NUDT3: variants seen among roughly 807,000 people sequenced by gnomAD.
NUDT3 encodes nudix hydrolase 3.
Under a neutral mutation model 23.6 loss-of-function variants are expected in NUDT3, and 9 were observed. The observed-to-expected ratio is 0.38, with a 90% CI of 0.23 to 0.66. The LOEUF (loss-of-function observed/expected upper bound fraction) is 0.66, where lower values mean the gene tolerates loss of function less well. Among genes scored for constraint, NUDT3 ranks in the 30% least tolerant of loss-of-function variants. The pLI is 0.52. For synonymous variants in NUDT3, 86 were observed against 82.6 expected, an observed-to-expected ratio of 1.04 and a Z score of -0.22; for missense variants, 172 against 218.5, an observed-to-expected ratio of 0.79 and a Z score of 1.34.
chr6:34,329,745 G>A (rs1472856195), intron 2 of NUDT3, among the ~76,000 whole-genome samples: 2 of 152,086 alleles, frequency 1.3e-5, no homozygotes, highest in African/African-American at 4.8e-5. Flanking sequence ...TTGGTGTGCT[G>A]CACCCATTAA....
intron 1 of NUDT3, among the ~76,000 whole-genome samples, chr6:34,342,289 C>CAAAAAAAAAAAAAAAAAAAAA (rs200954440): frequency 6.0e-5 from 4 of 66,494 alleles, no homozygotes; most frequent in Non-Finnish European, 1.2e-4. Flanking sequence ...TAGAAGACTT[C>CAAAAAAAAAAAAAAAAAAAAA]AAAAAAAAAA....
intron 2 of NUDT3, among the ~76,000 whole-genome samples, chr6:34,299,697 G>A (rs1763569026): frequency 6.6e-6 from 1 of 151,238 alleles, no homozygotes; most frequent in Admixed American, 6.6e-5. Context: ...CCTGAGGTCA[G>A]GAGTTCAAGA....
intron 2 of NUDT3, among the ~76,000 whole-genome samples, chr6:34,319,862 G>A (rs1013354191): frequency 6.6e-6 from 1 of 152,208 alleles, no homozygotes; most frequent in African/African-American, 2.4e-5. Context: ...AAGGAGGGCA[G>A]GAGAAAGTCA....
chr6:34,389,838 C>T (rs1228115230), intron 1 of NUDT3, among the ~76,000 whole-genome samples: 2 of 152,098 alleles, frequency 1.3e-5, no homozygotes, highest in Non-Finnish European at 2.9e-5. Flanking sequence ...GTCGCGGGCA[C>T]CTGTAGTCCC....
chr6:34,323,621 G>GAGAAGAGAA (rs1485793762), intron 2 of NUDT3, among the ~76,000 whole-genome samples: 2 of 151,980 alleles, frequency 1.3e-5, no homozygotes, highest in Admixed American at 6.6e-5. Flanking sequence ...GCGAAGCGAA[G>GAGAAGAGAA]AGAAGAGAAA....
At position 34,283,781 on chromosome 6, in the gene NUDT3, G is replaced by A. The variant is rs893413441; in HGVS notation, c.*4972C>T. The A allele has an allele frequency of 1.3e-5, 2 of 152,210 alleles. No individual in the cohort carries two copies. The highest frequency in any genetic ancestry group is 4.8e-5 in the African/African-American group (2 of 41,438). The allele number at this position is 152,210 out of a possible 1,614,324, so 9.4% of individuals were successfully genotyped here. A position where few individuals can be genotyped will look rare whatever the true frequency, so the allele number is the denominator to read the frequency against. ...TGTGGTGACCTCAAGCTAACCTGAT[G>A]CACAGACAACAGTATCTTTTAGGGA... On this transcript the variant is annotated 3_prime_UTR_variant, in exon 5 of 5. Transcript: ENST00000607016.
chr6:34,391,238 C>T (rs1160488313), intron 1 of NUDT3, among the ~76,000 whole-genome samples: 3 of 152,188 alleles, frequency 2.0e-5, no homozygotes, highest in Non-Finnish European at 4.4e-5. Flanking sequence ...TGCGGCCCTG[C>T]CACCATAGCC....
At position 34,373,295 on chromosome 6, in the gene NUDT3, T is replaced by G. The variant is rs927947603; in HGVS notation, c.99+18969A>C. Reference sequence around the variant, plus strand: ...CTCCGTCTCAAAAAAAAAAAAAAAGTGTATACAGAATTCAAATTAGGATAA... The same window carrying G: ...CTCCGTCTCAAAAAAAAAAAAAAAGGGTATACAGAATTCAAATTAGGATAA... On this transcript the variant is annotated intron_variant, in intron 1 of 4. Coordinates refer to ENST00000607016, the MANE Select transcript of NUDT3 (RefSeq NM_006703.4). 4.2e-3 allele frequency among the ~76,000 whole-genome samples: 411 copies of G among 97,508 alleles called. 1 individual carries two copies. Among genetic ancestry groups the G allele is most frequent in the Middle Eastern group, 0.015 (3 of 194 alleles). 64.0% of individuals were successfully genotyped at this position (97,508 alleles called of 152,430 possible).
At chr6:34,390,413 T>G (rs1765178960) in intron 1 of NUDT3, among the ~76,000 whole-genome samples, 1 of 152,056 alleles carries the variant, frequency 6.6e-6, no homozygotes, top group African/African-American at 2.4e-5. Context: ...ATGTTGCTAA[T>G]GTCAGTGCAT....
intron 2 of NUDT3, among the ~76,000 whole-genome samples, chr6:34,316,671 G>C (rs564610081): frequency 2.0e-5 from 3 of 152,250 alleles, no homozygotes; most frequent in African/African-American, 7.2e-5. Context: ...TTCCAACCAT[G>C]GTGATTTAGG....
chr6:34,364,051 T>C (rs1246033772), intron 1 of NUDT3, among the ~76,000 whole-genome samples: 2 of 152,236 alleles, frequency 1.3e-5, no homozygotes, highest in Non-Finnish European at 2.9e-5. Context: ...AACCAGACTG[T>C]GTCAAGCTCT....
chr6:34,309,578 A>G (rs879416391), intron 2 of NUDT3, among the ~76,000 whole-genome samples: 7 of 152,098 alleles, frequency 4.6e-5, no homozygotes, highest in African/African-American at 7.2e-5. Flanking sequence ...TGAGAGGATG[A>G]ACATAACCCA....
chr6:34,317,484 G>T (rs187834881), intron 2 of NUDT3, among the ~76,000 whole-genome samples: 15 of 152,170 alleles, frequency 9.9e-5, no homozygotes, highest in Non-Finnish European at 1.9e-4. Flanking sequence ...AGGGAAAAAT[G>T]AGCAAAGACA....
Position 34,323,861 on chromosome 6 carries a change from C to T in NUDT3, c.210+18001G>A, listed in dbSNP as rs545657036. Among the ~76,000 whole-genome samples, 10 of 152,210 alleles carry T rather than the reference C, an allele frequency of 6.6e-5. No homozygotes were observed. In the South Asian group the frequency reaches 1.9e-3, roughly 28 times the overall value. ...TGAAAATTTTCATGACTGAAAAGTT[C>T]AGAAAAATAATTAGCCATGGAATTA... On this transcript the variant is annotated intron_variant, in intron 2 of 4. Transcript: ENST00000607016.
rs796195230 is a variant in NUDT3, at chr6:34,348,559, T to A, written c.100-6587A>T. 9.9e-5 allele frequency among the ~76,000 whole-genome samples: 15 copies of A among 151,870 alleles called. No homozygotes were observed. In the South Asian group the frequency reaches 3.1e-3, roughly 32 times the overall value. ...CTGGCAGGCCGAGGCGGGTGGATCA[T>A]GAGGTCAGGAGATCGAGACCATCCT... On this transcript the variant is annotated intron_variant, in intron 1 of 4. Transcript: ENST00000607016.
chr6:34,371,823 G>T (rs1406712180), intron 1 of NUDT3, among the ~76,000 whole-genome samples: 1 of 152,138 alleles, frequency 6.6e-6, no homozygotes, highest in Non-Finnish European at 1.5e-5. Context: ...GTATACATGT[G>T]CCATGTTGGT....
intron 2 of NUDT3, among the ~76,000 whole-genome samples, chr6:34,333,778 A>G (rs1184972214): frequency 6.6e-6 from 1 of 152,254 alleles, no homozygotes; most frequent in East Asian, 1.9e-4. Flanking sequence ...CAACTGATGC[A>G]AAGGTAAGGT....
chr6:34,366,519 A>C (rs1429305077), intron 1 of NUDT3, among the ~76,000 whole-genome samples: 2 of 66,322 alleles, frequency 3.0e-5, no homozygotes, highest in East Asian at 1.2e-3. Context: ...GAGGGAGAGA[A>C]GGTAGTGCCA....
intron 2 of NUDT3, among the ~76,000 whole-genome samples, chr6:34,303,197 A>ATT (rs55915428): frequency 0.022 from 1,618 of 74,578 alleles, 92 homozygotes; most frequent in African/African-American, 0.035. Flanking sequence ...ATACCTGGCA[A>ATT]TTTTTTTTTT....
Sources: allele counts gnomAD v4.1 joint callset (sites outside exome capture counted in the v4.1 genomes callset), GRCh38; gene constraint gnomAD v4.1.1; transcripts MANE v1.5; gene names NCBI Gene and HGNC (gene_info 2026-07-23, HGNC 2026-07-21).